The following SKIDA1 variants were observed in gnomAD, a reference collection of about 807,000 sequenced individuals.
The protein encoded by SKIDA1 is SKI/DACH domain-containing protein 1.
Under a neutral mutation model 51.4 loss-of-function variants are expected in SKIDA1, and 18 were observed. The ratio of observed to expected loss-of-function variants is 0.35; its 90% confidence interval spans 0.24 to 0.52. The LOEUF (loss-of-function observed/expected upper bound fraction) is 0.52, where lower values mean the gene tolerates loss of function less well. SKIDA1 is among the 20% of genes least tolerant of loss of function. The pLI is 0.95. For synonymous variants in SKIDA1, 579 were observed against 500.5 expected, an observed-to-expected ratio of 1.16 and a Z score of -2.09; for missense variants, 1,104 against 1,180.6, an observed-to-expected ratio of 0.94 and a Z score of 0.95.
In SKIDA1 at chr10:21,513,715, T is replaced by C. The variant is rs1318471755; in HGVS notation, c.*1381A>G. On this transcript the variant is annotated 3_prime_UTR_variant, in exon 4 of 4. Coordinates refer to ENST00000449193, the MANE Select transcript of SKIDA1 (RefSeq NM_207371.4). ...CTCTCCTGCTCTATACACAGGATGG[T>C]CTGAAAACACAAGTTTTAGAGAGAT... 2 of 152,574 alleles carry C rather than the reference T, an allele frequency of 1.3e-5. No homozygotes were observed. Among genetic ancestry groups the C allele is most frequent in the African/African-American group, 2.4e-5 (1 of 41,424 alleles). The allele number at this position is 152,574 out of a possible 1,614,324, so 9.5% of individuals were successfully genotyped here.
Position 21,517,715 on chromosome 10 carries a change from C to T in SKIDA1, c.108G>A (p.Leu36=). 6.2e-7 allele frequency: 1 copy of T among 1,613,994 alleles called. No individual in the cohort carries two copies. The highest frequency in any genetic ancestry group is 8.5e-7 in the Non-Finnish European group (1 of 1,179,886). Reference sequence around the variant, plus strand: ...CGGTCGTCCTCGGGATGTTTTTCAGCAGATCTGTGAAGACTTGGGAGAGGG... The same window carrying T: ...CGGTCGTCCTCGGGATGTTTTTCAGTAGATCTGTGAAGACTTGGGAGAGGG... The part of the protein sequence containing the change: ...MFALSQVFTD[L]LKNIPRTTVH... Residue 36 remains leucine (L), a synonymous_variant, in exon 4 of 4, where the codon CTG becomes CTA. Transcript: ENST00000449193. The surrounding 1 kb of genome is among the most constrained non-coding windows in gnomAD (Gnocchi z 6.9).
chr10:21,525,160 A>C (rs2032652085), intron 1 of SKIDA1, among the ~76,000 whole-genome samples: 1 of 152,204 alleles, frequency 6.6e-6, no homozygotes, highest in Non-Finnish European at 1.5e-5. Flanking sequence ...TGCGCACAAA[A>C]TGTGTAGGTA....
chr10:21,524,775 GGTAA>G (rs1216135286), intron 1 of SKIDA1: 1 of 152,098 alleles, frequency 6.6e-6, no homozygotes, highest in Non-Finnish European at 1.5e-5. Context: ...AAGAAGAGAA[GGTAA>G]GTGTTTGTCC....
chr10:21,520,463 C>A, intron 3 of SKIDA1, among the ~76,000 whole-genome samples: 1 of 31,200 alleles, frequency 3.2e-5, no homozygotes, highest in African/African-American at 2.5e-4. Flanking sequence ...TGCCAGCCCT[C>A]GCCCTCCCAC....
Position 21,518,003 on chromosome 10 carries a change from G to A in SKIDA1, c.-181C>T, listed in dbSNP as rs1164988423. Reference sequence around the variant, plus strand: ...CCAAACTCTAGGCGAAATTATTGGGGGGGGGGAAACCCCATGAAATTACAC... The same window carrying A: ...CCAAACTCTAGGCGAAATTATTGGGAGGGGGGAAACCCCATGAAATTACAC... On this transcript the variant is annotated 5_prime_UTR_variant, in exon 4 of 4. Coordinates refer to ENST00000449193, the MANE Select transcript of SKIDA1 (RefSeq NM_207371.4). The A allele has an allele frequency of 5.3e-6, 3 of 562,814 alleles. No individual in the cohort carries two copies. Among genetic ancestry groups the A allele is most frequent in the Non-Finnish European group, 9.2e-6 (3 of 325,590 alleles). The allele number at this position is 562,814 out of a possible 1,614,324, so 34.9% of individuals were successfully genotyped here.
At chr10:21,520,483 CGCCATT>C (rs2032363025) in intron 3 of SKIDA1, among the ~76,000 whole-genome samples, 18 of 57,218 alleles carry the variant, frequency 3.1e-4, no homozygotes, top group East Asian at 5.6e-3. Context: ...CCCCCACCCC[CGCCATT>C]CCCCTCCCCC....
chr10:21,516,768 CGGTGGTGGT>C lies in SKIDA1; in HGVS notation c.1046_1054del (p.His349_His351del), dbSNP rs770117846. On this transcript the variant is annotated inframe_deletion, in exon 4 of 4. Coordinates refer to ENST00000449193, the MANE Select transcript of SKIDA1 (RefSeq NM_207371.4). The surrounding 1 kb of genome is among the most constrained non-coding windows in gnomAD (Gnocchi z 5.7). Reference sequence around the variant, plus strand: ...GTGACTCTGCTGCGGCGGCTGGGCCCGGTGGTGGTGGTGGTGGTGGTGATGGTGGTGGTG... The same window carrying C: ...GTGACTCTGCTGCGGCGGCTGGGCCCGGTGGTGGTGGTGATGGTGGTGGTG... 123 of 1,538,376 alleles carry C rather than the reference CGGTGGTGGT, an allele frequency of 8.0e-5. No homozygotes were observed. The highest frequency in any genetic ancestry group is 9.6e-5 in the Non-Finnish European group (110 of 1,142,716).
rs1241498264 is a variant in SKIDA1 at position 21,523,711 on chromosome 10, C to T, written c.-1957G>A. 3 of 152,076 alleles carry T rather than the reference C, an allele frequency of 2.0e-5. No homozygotes were observed. The highest frequency in any genetic ancestry group is 4.4e-5 in the Non-Finnish European group (3 of 68,048). The allele number at this position is 152,076 out of a possible 1,614,324, so 9.4% of individuals were successfully genotyped here. On this transcript the variant is annotated 5_prime_UTR_variant, in exon 2 of 4. Transcript: ENST00000449193. ...TGGGCTGCTCAGCCATACTGAAATC[C>T]TGAGCCACCACGAGGGGAGAGAGGA...
chr10:21,515,773 T>C lies in SKIDA1; in HGVS notation c.2050A>G (p.Asn684Asp). ...CTGTCTTCTACTTTGATTTTAATAT[T>C]GTGCAGAAATGGCAATGTCTTGTCG... ...TGDKTLPFLHNIKIKVEDSSA... is the reference protein window; with the variant it reads ...TGDKTLPFLHDIKIKVEDSSA... The change falls in exon 4 of 4, where the codon AAT becomes GAT. Residue 684 changes from asparagine to aspartate, a missense_variant. By Grantham distance (23) the Asn-to-Asp change is conservative (BLOSUM62 1). Around this residue, in one of 3 missense-constraint regions of SKIDA1, gnomAD observed 938 missense variants for 886.4 expected, o/e 1.06. Coordinates refer to ENST00000449193, the MANE Select transcript of SKIDA1 (RefSeq NM_207371.4). 1 of 1,614,034 alleles carries C rather than the reference T, an allele frequency of 6.2e-7. No homozygotes were observed. The highest frequency in any genetic ancestry group is 1.1e-5 in the South Asian group (1 of 91,082).
chr10:21,516,019 G>A lies in SKIDA1; in HGVS notation c.1804C>T (p.Leu602=). ...QRILREARKC[L]QTTPTTHCAD... ...CAGTGTGTAGTAGGAGTTGTTTGTA[G>A]GCATTTCCTAGCCTCTCGGAGTATT... The change falls in exon 4 of 4, where the codon CTA becomes TTA. Residue 602 remains leucine (L), a synonymous_variant. Coordinates refer to ENST00000449193, the MANE Select transcript of SKIDA1 (RefSeq NM_207371.4). The surrounding 1 kb of genome is among the most constrained non-coding windows in gnomAD (Gnocchi z 5.7). 6.2e-7 allele frequency: 1 copy of A among 1,614,012 alleles called. No individual in the cohort carries two copies. The highest frequency in any genetic ancestry group is 8.5e-7 in the Non-Finnish European group (1 of 1,179,896).
chr10:21,524,464 A>T (rs1488806103), intron 1 of SKIDA1, among the ~76,000 whole-genome samples: 2 of 151,662 alleles, frequency 1.3e-5, no homozygotes, highest in African/African-American at 4.8e-5. Context: ...ATTTCGGGGT[A>T]TTTGTAAGTT....
chr10:21,524,369 A>G (rs894596883), intron 1 of SKIDA1, among the ~76,000 whole-genome samples: 1 of 152,210 alleles, frequency 6.6e-6, no homozygotes, highest in African/African-American at 2.4e-5. Context: ...ATAAACTTAA[A>G]AAAATTTTTT....
At position 21,516,554 on chromosome 10, in the gene SKIDA1, C is replaced by CTCT. The variant is rs779736498; in HGVS notation, c.1268_1269insAGA (p.Glu428dup). The CTCT allele has an allele frequency of 4.8e-4, 702 of 1,451,672 alleles. 1 individual carries two copies. In the African/African-American group the frequency reaches 7.4e-3, roughly 15 times the overall value. The allele number at this position is 1,451,672 out of a possible 1,614,324, so 89.9% of individuals were successfully genotyped here. ...CGCTGCCCCCCTCCTCCTCCTCTTC[C>CTCT]TCCTCCTCCTCCTCTCCCTCCTCCT... On this transcript the variant is annotated inframe_insertion, in exon 4 of 4. Transcript: ENST00000449193. The surrounding 1 kb of genome is among the most constrained non-coding windows in gnomAD (Gnocchi z 5.7).
chr10:21,520,296 C>T (rs1409908046), intron 3 of SKIDA1, among the ~76,000 whole-genome samples: 2 of 152,146 alleles, frequency 1.3e-5, no homozygotes, highest in African/African-American at 4.8e-5. Context: ...CTTTCACTTT[C>T]ACAGGAGACA....
chr10:21,520,874 G>A (rs2032374049), intron 3 of SKIDA1, among the ~76,000 whole-genome samples: 1 of 152,068 alleles, frequency 6.6e-6, no homozygotes, highest in Non-Finnish European at 1.5e-5. Flanking sequence ...TGAGAAATGT[G>A]TCTATATAGA....
chr10:21,515,183 G>A lies in SKIDA1; in HGVS notation c.2640C>T (p.His880=), dbSNP rs2032160582. The stretch of plus-strand genomic sequence containing the variant: ...GCCATTTCCATATAGGATGGGCCTT[G>A]TGAGGAGTTTGAGAATCCTTAGTGG... ...LNTTKDSQTP[H]KAHPIWKWQL... The change falls in exon 4 of 4, where the codon CAC becomes CAT. Residue 880 remains histidine, a synonymous_variant. Coordinates refer to ENST00000449193, the MANE Select transcript of SKIDA1 (RefSeq NM_207371.4). 1.2e-6 allele frequency: 2 copies of A among 1,613,814 alleles called. No homozygotes were observed. The highest frequency in any genetic ancestry group is 8.5e-7 in the Non-Finnish European group (1 of 1,179,870).
At chr10:21,520,681 A>G (rs2032369601) in intron 3 of SKIDA1, among the ~76,000 whole-genome samples, 1 of 151,102 alleles carries the variant, frequency 6.6e-6, no homozygotes, top group South Asian at 2.1e-4. Flanking sequence ...CCTCCTACAC[A>G]TAGCAACATG....
rs115521735 is a variant in SKIDA1 at position 21,521,176 on chromosome 10, C to T, written c.-1837+213G>A. On this transcript the variant is annotated intron_variant, in intron 3 of 3. Coordinates refer to ENST00000449193, the MANE Select transcript of SKIDA1 (RefSeq NM_207371.4). ...CTCCAGGCACATTGGGGGTCGATCC[C>T]GATAAAAAGATCTAGCAGAGGCCCC... Among the ~76,000 whole-genome samples, 477 of 151,958 alleles carry T rather than the reference C, an allele frequency of 3.1e-3. 1 individual carries two copies. The highest frequency in any genetic ancestry group is 0.01 in the African/African-American group (415 of 41,416).
At position 21,516,416 on chromosome 10, in the gene SKIDA1, G is replaced by C; in HGVS notation, c.1407C>G (p.Thr469=). The change falls in exon 4 of 4, where the codon ACC becomes ACG. Residue 469 remains threonine (T), a synonymous_variant. Transcript: ENST00000449193. The surrounding 1 kb of genome is among the most constrained non-coding windows in gnomAD (Gnocchi z 5.7). ...GCACGCTGGGAGGCTTGCAGAAGCT[G>C]GTGCGCCTGAATCGGATGCTCTGCA... ...VSVQSIRFRR[T]SFCKPPSVQA... 2 of 1,613,438 alleles carry C rather than the reference G, an allele frequency of 1.2e-6. No homozygotes were observed. Among genetic ancestry groups the C allele is most frequent in the Non-Finnish European group, 8.5e-7 (1 of 1,179,890 alleles).
Sources: allele counts gnomAD v4.1 joint callset (sites outside exome capture counted in the v4.1 genomes callset), GRCh38; gene constraint gnomAD v4.1.1; regional missense constraint gnomAD v4.1.1; non-coding constraint Gnocchi (gnomAD v3.1); transcripts MANE v1.5; gene names NCBI Gene and HGNC (gene_info 2026-07-23, HGNC 2026-07-21).